The following VEPH1 variants were observed in gnomAD, a reference collection of about 807,000 sequenced individuals.
VEPH1 encodes ventricular zone expressed PH domain containing 1, also known as ventricular zone-expressed PH domain-containing protein homolog 1.
A neutral mutation model predicts 85.2 loss-of-function variants in VEPH1; 80 were observed. The ratio of observed to expected loss-of-function variants is 0.94; its 90% CI spans 0.78 to 1.13. VEPH1 has a LOEUF of 1.13. VEPH1 is among the 50% of genes most tolerant of loss of function. The pLI is 0.00. For missense variants in VEPH1, 955 were observed against 980.5 expected (o/e 0.97, Z 0.35); for synonymous variants, 297 against 348.0 (o/e 0.85, Z 1.63).
At chr3:157,348,042 G>A (rs1724436693) in intron 9 of VEPH1, among the ~76,000 whole-genome samples, 1 of 152,188 alleles carries the variant, frequency 6.6e-6, no homozygotes, top group African/African-American at 2.4e-5. Context: ...CCTAGCCACA[G>A]CTGTGTGGAG....
intron 1 of VEPH1, among the ~76,000 whole-genome samples, chr3:157,497,862 C>G (rs1021164998): frequency 4.6e-5 from 7 of 152,176 alleles, no homozygotes; most frequent in Non-Finnish European, 1.0e-4. Flanking sequence ...GTTTAACACA[C>G]AGCCATACAG....
At chr3:157,337,059 AATT>A (rs1723036870) in intron 9 of VEPH1, among the ~76,000 whole-genome samples, 1 of 151,394 alleles carries the variant, frequency 6.6e-6, no homozygotes, top group Non-Finnish European at 1.5e-5. Context: ...AAATTTTTGG[AATT>A]ATTACGCTTA....
intron 7 of VEPH1, among the ~76,000 whole-genome samples, chr3:157,372,701 T>C (rs1418046500): frequency 1.3e-5 from 2 of 152,212 alleles, no homozygotes; most frequent in Admixed American, 1.3e-4. Context: ...AAACTCACTG[T>C]AGTAAAGAAC....
chr3:157,488,799 C>T (rs894118036), intron 2 of VEPH1, among the ~76,000 whole-genome samples: 2 of 151,750 alleles, frequency 1.3e-5, no homozygotes, highest in Admixed American at 6.6e-5. Flanking sequence ...TCTTCCTACA[C>T]TCCCTTCCCC....
chr3:157,391,327 C>T (rs1296512864), intron 6 of VEPH1, among the ~76,000 whole-genome samples: 1 of 152,204 alleles, frequency 6.6e-6, no homozygotes, highest in Non-Finnish European at 1.5e-5. Context: ...CTTTGTGACT[C>T]ATTTTTCCAC....
chr3:157,304,594 T>C (rs1008330138), intron 11 of VEPH1, among the ~76,000 whole-genome samples: 4 of 152,172 alleles, frequency 2.6e-5, no homozygotes, highest in African/African-American at 7.2e-5. Flanking sequence ...ACTTGCTCCA[T>C]GGTGGTCTTT....
At chr3:157,466,655 C>T (rs1240674060) in intron 3 of VEPH1, among the ~76,000 whole-genome samples, 1 of 152,232 alleles carries the variant, frequency 6.6e-6, no homozygotes, top group Non-Finnish European at 1.5e-5. Flanking sequence ...GCCAATCTCT[C>T]ATCTTGATAA....
intron 9 of VEPH1, among the ~76,000 whole-genome samples, chr3:157,338,893 T>G (rs1264764214): frequency 2.6e-5 from 4 of 152,246 alleles, no homozygotes; most frequent in Non-Finnish European, 5.9e-5. Context: ...GTGAATTCAC[T>G]GAACTGCACT....
chr3:157,296,855 A>G (rs1194967519), intron 11 of VEPH1, among the ~76,000 whole-genome samples: 2 of 152,234 alleles, frequency 1.3e-5, no homozygotes, highest in Non-Finnish European at 2.9e-5. Context: ...TTTGCTTTTA[A>G]TGCACTCCTC....
At chr3:157,458,488 G>T (rs1735561528) in intron 4 of VEPH1, among the ~76,000 whole-genome samples, 1 of 152,078 alleles carries the variant, frequency 6.6e-6, no homozygotes. Flanking sequence ...CTTGCTTGTT[G>T]AATTGCTTAA....
At chr3:157,468,748 AT>A (rs1366247267) in intron 3 of VEPH1, among the ~76,000 whole-genome samples, 2 of 152,158 alleles carry the variant, frequency 1.3e-5, no homozygotes, top group East Asian at 3.9e-4. Flanking sequence ...GGCTACTAGA[AT>A]TTTTTTCCTT....
intron 9 of VEPH1, among the ~76,000 whole-genome samples, chr3:157,353,637 C>T (rs1219646773): frequency 1.3e-5 from 2 of 151,986 alleles, no homozygotes; most frequent in African/African-American, 2.4e-5. Context: ...TCCCCCCTCC[C>T]TCCAAATTTG....
chr3:157,367,011 C>G (rs1365563477), intron 7 of VEPH1, among the ~76,000 whole-genome samples: 4 of 152,142 alleles, frequency 2.6e-5, no homozygotes, highest in Admixed American at 1.3e-4. Flanking sequence ...CCTGTAGGTC[C>G]AGCCCAGGGA....
At chr3:157,336,762 A>G (rs1281242228) in intron 9 of VEPH1, among the ~76,000 whole-genome samples, 1 of 152,226 alleles carries the variant, frequency 6.6e-6, no homozygotes, top group African/African-American at 2.4e-5. Context: ...ACTACTGTCC[A>G]TGGGCAAAGT....
chr3:157,473,124 G>C (rs1256314023), intron 2 of VEPH1, among the ~76,000 whole-genome samples: 1 of 139,578 alleles, frequency 7.2e-6, no homozygotes, highest in Non-Finnish European at 1.5e-5. Context: ...CCAGGCTGGA[G>C]TGCAGTGGTG....
intron 9 of VEPH1, among the ~76,000 whole-genome samples, chr3:157,339,726 G>A (rs371464722): frequency 6.6e-6 from 1 of 152,334 alleles, no homozygotes; most frequent in African/African-American, 2.4e-5. Context: ...GCTCAAGAAG[G>A]TCGGGTGGCG....
intron 12 of VEPH1, among the ~76,000 whole-genome samples, chr3:157,276,630 A>G (rs1346186452): frequency 6.6e-6 from 1 of 152,238 alleles, no homozygotes; most frequent in African/African-American, 2.4e-5. Context: ...GTATAAGCTT[A>G]CATTCATGTT....
chr3:157,468,866 T>C (rs2109443651), intron 3 of VEPH1, among the ~76,000 whole-genome samples: 1 of 152,280 alleles, frequency 6.6e-6, no homozygotes, highest in South Asian at 2.1e-4. Flanking sequence ...TTTTTCTCCC[T>C]CTTCACCTTT....
intron 2 of VEPH1, 79 bp from the exon 3 acceptor site, chr3:157,470,608 T>C (rs1736848463): frequency 1.4e-6 from 2 of 1,402,396 alleles, no homozygotes; most frequent in Non-Finnish European, 2.0e-6. Context: ...AACTCAGTCA[T>C]TTAGAAAATG....
Sources: gnomAD v4.1 joint callset for allele counts (sites outside exome capture counted in the v4.1 genomes callset) on GRCh38, gnomAD v4.1.1 for gene constraint, MANE v1.5 for transcripts, NCBI Gene and HGNC (gene_info 2026-07-23, HGNC 2026-07-21) for gene names.